The following BBS9 variants were observed in gnomAD, a reference collection of about 807,000 sequenced individuals.
BBS9 encodes the protein Bardet-Biedl syndrome 9.
Under a neutral mutation model 117.7 loss-of-function variants are expected in BBS9, and 89 were observed. The ratio of observed to expected loss-of-function variants is 0.76; its 90% CI spans 0.64 to 0.90. BBS9 has a LOEUF of 0.90. Ranked by LOEUF, BBS9 falls within the 40% of genes least tolerant of loss-of-function variation. The pLI, the probability that BBS9 is intolerant of heterozygous loss-of-function variation, is 0.00. For synonymous variants in BBS9, 379 were observed against 370.9 expected, an observed-to-expected ratio of 1.02 and a Z score of -0.25; for missense variants, 982 against 1,042.2, an observed-to-expected ratio of 0.94 and a Z score of 0.80.
chr7:33,565,928 C>T, intron 21 of BBS9, among the ~76,000 whole-genome samples: 1 of 145,288 alleles, frequency 6.9e-6, no homozygotes, highest in East Asian at 2.0e-4. Flanking sequence ...TATACAGGTA[C>T]AAGGTGAGAA....
rs1197783941 is a variant in BBS9 at position 33,344,530 on chromosome 7, T to C, written c.1276-51T>C. 2.0e-6 allele frequency: 3 copies of C among 1,499,874 alleles called. No homozygotes were observed. The African/African-American group carries it at 4.1e-5, about 21-fold the overall frequency. The allele number at this position is 1,499,874 out of a possible 1,614,324, so 92.9% of individuals were successfully genotyped here. A position where few individuals can be genotyped will look rare whatever the true frequency, so the allele number is the denominator to read the frequency against. ...TGCACTCATTGTGTTCACTCACTGCTGTGTAATATTGACATCATTCTTTCT... is the reference window on the plus strand; with the variant it reads ...TGCACTCATTGTGTTCACTCACTGCCGTGTAATATTGACATCATTCTTTCT... On this transcript the variant is annotated intron_variant, in intron 11 of 22. Transcript: ENST00000242067.
At chr7:33,366,424 TTCTCTC>T (rs35884414) in intron 16 of BBS9, among the ~76,000 whole-genome samples, 5 of 151,874 alleles carry the variant, frequency 3.3e-5, no homozygotes, top group African/African-American at 1.2e-4. Context: ...ATAGCTGTCT[TTCTCTC>T]TCTCTAATTT....
intron 5 of BBS9, among the ~76,000 whole-genome samples, chr7:33,242,138 A>G (rs73688093): frequency 0.11 from 17,233 of 152,190 alleles, 1,152 homozygotes; most frequent in African/African-American, 0.18. Context: ...GTCGTCCAAT[A>G]GAATGAATTT....
At position 33,383,610 on chromosome 7, in the gene BBS9, G is replaced by C. The variant is rs924718152; in HGVS notation, c.1790-56G>C. Reference sequence around the variant, plus strand: ...GTCAGGATTAGTGATAGTTCATGTAGCTTTATCTAGTAATTCTGTGTTACT... The same window carrying C: ...GTCAGGATTAGTGATAGTTCATGTACCTTTATCTAGTAATTCTGTGTTACT... On this transcript the variant is annotated intron_variant, in intron 17 of 22. Transcript: ENST00000242067. 4.1e-6 allele frequency: 6 copies of C among 1,463,052 alleles called. No individual in the cohort carries two copies. The African/African-American group carries it at 6.9e-5, about 17-fold the overall frequency. The allele number at this position is 1,463,052 out of a possible 1,614,324, so 90.6% of individuals were successfully genotyped here.
intron 19 of BBS9, among the ~76,000 whole-genome samples, chr7:33,504,410 ACAGCTGTACATTGTACTTG>A (rs1845864219): frequency 6.6e-6 from 1 of 152,088 alleles, no homozygotes; most frequent in Non-Finnish European, 1.5e-5. Flanking sequence ...GGGAGACCAC[ACAGCTGTACATTGTACTTG>A]TTTGAATGAT....
chr7:33,221,884 A>G (rs1362703810), intron 5 of BBS9, among the ~76,000 whole-genome samples: 1 of 151,056 alleles, frequency 6.6e-6, no homozygotes, highest in South Asian at 2.1e-4. Flanking sequence ...GTGATATGAA[A>G]TGCTTAAAAA....
chr7:33,408,998 A>T (rs1214350705), intron 19 of BBS9, among the ~76,000 whole-genome samples: 1 of 152,196 alleles, frequency 6.6e-6, no homozygotes, highest in African/African-American at 2.4e-5. Flanking sequence ...TTGGCTAATT[A>T]TATGTCTTCT....
intron 4 of BBS9, among the ~76,000 whole-genome samples, chr7:33,158,698 C>G (rs1794420716): frequency 6.6e-6 from 1 of 152,100 alleles, no homozygotes; most frequent in African/African-American, 2.4e-5. Context: ...AATGTTCCTG[C>G]TTGCATTTTG....
intron 19 of BBS9, chr7:33,390,201 C>T (rs1268620204): frequency 1.0e-6 from 1 of 975,684 alleles, no homozygotes; most frequent in Admixed American, 6.1e-5. Context: ...AAGGTATGGT[C>T]AACCTTGTAT....
intron 21 of BBS9, among the ~76,000 whole-genome samples, chr7:33,590,459 G>GTTTTTTTTTTTTTTTTTTTT (rs71554107): frequency 4.9e-5 from 5 of 101,500 alleles, no homozygotes; most frequent in Non-Finnish European, 7.9e-5. Flanking sequence ...TTGTTTTTTT[G>GTTTTTTTTTTTTTTTTTTTT]TTTTTTTTTT....
chr7:33,612,412 CACACAT>C (rs907616643), intron 21 of BBS9, among the ~76,000 whole-genome samples: 4 of 152,036 alleles, frequency 2.6e-5, no homozygotes, highest in African/African-American at 9.7e-5. Context: ...AAAACACATA[CACACAT>C]ACACATACAC....
chr7:33,457,226 T>TCAGC (rs1328296726), intron 19 of BBS9, among the ~76,000 whole-genome samples: 11 of 152,220 alleles, frequency 7.2e-5, no homozygotes, highest in Non-Finnish European at 1.6e-4. Context: ...ACGGAAGCAA[T>TCAGC]CAGCCTTATA....
In BBS9 at chr7:33,527,835, A is replaced by G. The variant is rs533952022; in HGVS notation, c.2299-6119A>G. On this transcript the variant is annotated intron_variant, in intron 20 of 22. Coordinates refer to ENST00000242067, the MANE Select transcript of BBS9 (RefSeq NM_198428.3). The stretch of plus-strand genomic sequence containing the variant: ...CATTTTGAGCCCTCTTTGCATGACA[A>G]GGGGATTTCACTGATTACAGTCAAG... 5.9e-5 allele frequency among the ~76,000 whole-genome samples: 9 copies of G among 152,306 alleles called. No homozygotes were observed. The East Asian group carries it at 1.7e-3, about 29-fold the overall frequency.
At chr7:33,370,768 C>T (rs1822709239) in intron 17 of BBS9, among the ~76,000 whole-genome samples, 1 of 152,338 alleles carries the variant, frequency 6.6e-6, no homozygotes, top group South Asian at 2.1e-4. Flanking sequence ...TGCTAGCTCT[C>T]TCTCCCCAGT....
At chr7:33,548,896 T>A (rs968039541) in intron 21 of BBS9, among the ~76,000 whole-genome samples, 5 of 150,596 alleles carry the variant, frequency 3.3e-5, no homozygotes, top group Non-Finnish European at 7.4e-5. Context: ...AAGCTACCAA[T>A]GACTTTCTTC....
chr7:33,320,567 C>T (rs1034107966), intron 9 of BBS9, among the ~76,000 whole-genome samples: 1 of 152,148 alleles, frequency 6.6e-6, no homozygotes, highest in African/African-American at 2.4e-5. Flanking sequence ...CTGGATATCT[C>T]TCCAATCTAC....
At chr7:33,249,580 C>T (rs891584781) in intron 5 of BBS9, among the ~76,000 whole-genome samples, 3 of 151,938 alleles carry the variant, frequency 2.0e-5, no homozygotes, top group African/African-American at 7.2e-5. Flanking sequence ...AGTTCTTTCT[C>T]AATTTGTTTC....
At chr7:33,411,768 A>C (rs146506875) in intron 19 of BBS9, among the ~76,000 whole-genome samples, 8 of 152,240 alleles carry the variant, frequency 5.3e-5, no homozygotes, top group African/African-American at 1.9e-4. Context: ...TTTAGGGATT[A>C]AGAGATTCAA....
rs138924787 is a variant in BBS9, at chr7:33,137,283, G to A, written c.-12+7242G>A. 2.3e-4 allele frequency among the ~76,000 whole-genome samples: 35 copies of A among 152,336 alleles called. No homozygotes were observed. In the East Asian group the frequency reaches 6.8e-3, roughly 29 times the overall value. On this transcript the variant is annotated intron_variant, in intron 1 of 22. Transcript: ENST00000242067. ...GGGAGTTGGGAGAGGCCAGGGAGCGGGAGTGGGCACTTCCAAACTGCAGGG... is the reference window on the plus strand; with the variant it reads ...GGGAGTTGGGAGAGGCCAGGGAGCGAGAGTGGGCACTTCCAAACTGCAGGG...
Sources: gnomAD v4.1 joint callset for allele counts (sites outside exome capture counted in the v4.1 genomes callset) on GRCh38, gnomAD v4.1.1 for gene constraint, MANE v1.5 for transcripts, NCBI Gene and HGNC (gene_info 2026-07-23, HGNC 2026-07-21) for gene names.